The following AUH variants were observed in gnomAD, a reference collection of about 807,000 sequenced individuals.
AUH encodes methylglutaconyl-CoA hydratase, mitochondrial.
A neutral mutation model predicts 42.3 loss-of-function variants in AUH; 29 were observed. The ratio of observed to expected loss-of-function variants is 0.69; its 90% CI spans 0.51 to 0.93. The LOEUF (loss-of-function observed/expected upper bound fraction) is 0.93. Ranked by LOEUF, AUH falls within the 40% of genes least tolerant of loss-of-function variation. The pLI, the probability that AUH is intolerant of heterozygous loss-of-function variation, is 0.00. For synonymous variants in AUH, 174 were observed against 166.4 expected, an observed-to-expected ratio of 1.05 and a Z score of -0.35; for missense variants, 452 against 438.1, an observed-to-expected ratio of 1.03 and a Z score of -0.28.
chr9:91,223,470 C>A (rs551481443), intron 6 of AUH, among the ~76,000 whole-genome samples: 2 of 152,268 alleles, frequency 1.3e-5, no homozygotes, highest in Non-Finnish European at 2.9e-5. Context: ...TCCATTCACC[C>A]CTGGAAGGAT....
intron 3 of AUH, among the ~76,000 whole-genome samples, chr9:91,340,638 T>A (rs1474408344): frequency 6.6e-6 from 1 of 152,196 alleles, no homozygotes; most frequent in East Asian, 1.9e-4. Flanking sequence ...AACTATGAGT[T>A]GTACAACTGT....
intron 6 of AUH, among the ~76,000 whole-genome samples, chr9:91,235,624 T>G (rs917754091): frequency 2.6e-5 from 4 of 152,164 alleles, no homozygotes; most frequent in African/African-American, 7.2e-5. Flanking sequence ...TTTAGACAAA[T>G]GTCAGCAAGA....
chr9:91,241,157 C>T (rs559231714), intron 6 of AUH, among the ~76,000 whole-genome samples: 7 of 152,300 alleles, frequency 4.6e-5, no homozygotes, highest in East Asian at 1.9e-4. Context: ...GACTTCTGAA[C>T]ATAACACCTA....
At chr9:91,234,786 A>C (rs1444246584) in intron 6 of AUH, among the ~76,000 whole-genome samples, 2 of 150,084 alleles carry the variant, frequency 1.3e-5, no homozygotes, top group Non-Finnish European at 3.0e-5. Flanking sequence ...GGCCAGAGAG[A>C]AGAGACTGTG....
intron 3 of AUH, among the ~76,000 whole-genome samples, chr9:91,329,606 C>T (rs576579838): frequency 5.3e-5 from 8 of 152,088 alleles, no homozygotes; most frequent in Admixed American, 2.0e-4. Flanking sequence ...TTGTTTTCTC[C>T]TTATTGAGTT....
chr9:91,279,117 A>C (rs1228987581), intron 6 of AUH, among the ~76,000 whole-genome samples: 1 of 151,858 alleles, frequency 6.6e-6, no homozygotes, highest in Non-Finnish European at 1.5e-5. Context: ...ATCAATTATA[A>C]CTTAATAAAG....
intron 6 of AUH, among the ~76,000 whole-genome samples, chr9:91,262,648 C>A (rs1829762280): frequency 6.6e-6 from 1 of 151,682 alleles, no homozygotes; most frequent in Admixed American, 6.6e-5. Flanking sequence ...ATGGCACTGA[C>A]ACATCCATTA....
chr9:91,336,405 G>A (rs1021604008), intron 3 of AUH, among the ~76,000 whole-genome samples: 1 of 152,096 alleles, frequency 6.6e-6, no homozygotes, highest in African/African-American at 2.4e-5. Flanking sequence ...CAAGGCGGGT[G>A]AATCACTTGA....
chr9:91,326,847 CAAAG>C (rs988180594), intron 3 of AUH, among the ~76,000 whole-genome samples: 1 of 152,082 alleles, frequency 6.6e-6, no homozygotes, highest in Non-Finnish European at 1.5e-5. Flanking sequence ...TAATATGTAA[CAAAG>C]AAAAATGTTG....
intron 1 of AUH, among the ~76,000 whole-genome samples, chr9:91,360,973 A>T (rs1020872800): frequency 1.3e-5 from 2 of 152,200 alleles, no homozygotes; most frequent in Non-Finnish European, 2.9e-5. Context: ...AGCCTCCTTC[A>T]AAGCCTTCAA....
At position 91,280,394 on chromosome 9, in the gene AUH, T is replaced by G. The variant is rs971158681; in HGVS notation, c.655+15627A>C. Among the ~76,000 whole-genome samples, 9 of 152,144 alleles carry G rather than the reference T, an allele frequency of 5.9e-5. No individual in the cohort carries two copies. The East Asian group carries it at 1.7e-3, about 29-fold the overall frequency. ...ACTGCTGGATAATAAGAAAGTAACC[T>G]GCCACTCATAAAATGAATAACCTGT... On this transcript the variant is annotated intron_variant, in intron 6 of 9. Transcript: ENST00000375731.
chr9:91,219,020 C>G, intron 7 of AUH: 1 of 985,428 alleles, frequency 1.0e-6, no homozygotes, highest in Non-Finnish European at 1.2e-6. Context: ...TGAAAGGTGA[C>G]AAAGGCACAT....
At chr9:91,227,066 T>G (rs1481553032) in intron 6 of AUH, among the ~76,000 whole-genome samples, 1 of 151,740 alleles carries the variant, frequency 6.6e-6, no homozygotes, top group Non-Finnish European at 1.5e-5. Context: ...AACTTTAAAG[T>G]AGTTTCTCCC....
chr9:91,249,765 AC>A (rs1321430886), intron 6 of AUH, among the ~76,000 whole-genome samples: 4 of 152,294 alleles, frequency 2.6e-5, no homozygotes, highest in African/African-American at 9.6e-5. Context: ...TAATCCCAGT[AC>A]TTGCAGAAGC....
intron 4 of AUH, among the ~76,000 whole-genome samples, chr9:91,302,163 G>A (rs1488828230): frequency 6.6e-6 from 1 of 150,568 alleles, no homozygotes; most frequent in Non-Finnish European, 1.5e-5. Flanking sequence ...CTACTTGGGA[G>A]CACTTAATAA....
chr9:91,332,387 G>A (rs543496177), intron 3 of AUH, among the ~76,000 whole-genome samples: 29 of 152,020 alleles, frequency 1.9e-4, no homozygotes, highest in South Asian at 8.3e-4. Flanking sequence ...CTGTAATCTC[G>A]GCTACTTGGG....
At chr9:91,329,936 G>C (rs1302700974) in intron 3 of AUH, among the ~76,000 whole-genome samples, 2 of 152,068 alleles carry the variant, frequency 1.3e-5, no homozygotes, top group Non-Finnish European at 2.9e-5. Flanking sequence ...CAGGGACCAA[G>C]AAAAGAGACA....
chr9:91,337,994 T>G (rs1182804200), intron 3 of AUH, among the ~76,000 whole-genome samples: 1 of 152,166 alleles, frequency 6.6e-6, no homozygotes, highest in Non-Finnish European at 1.5e-5. Context: ...TTGTAAGTGC[T>G]TTCACTTATA....
intron 3 of AUH, among the ~76,000 whole-genome samples, chr9:91,354,642 C>G (rs1832267222): frequency 6.6e-6 from 1 of 152,122 alleles, no homozygotes. Flanking sequence ...CTACTGCCAA[C>G]AGAAAAACAA....
Sources: allele counts gnomAD v4.1 joint callset (sites outside exome capture counted in the v4.1 genomes callset), GRCh38; gene constraint gnomAD v4.1.1; transcripts MANE v1.5; gene names NCBI Gene and HGNC (gene_info 2026-07-23, HGNC 2026-07-21).